The following PKN2 variants were observed in gnomAD, a reference collection of about 807,000 sequenced individuals.
PKN2 encodes serine/threonine-protein kinase N2.
PKN2 carries 38 observed loss-of-function variants against 119.1 expected under a neutral mutation model. The observed-to-expected ratio is 0.32, with a 90% CI of 0.25 to 0.42. PKN2 has a LOEUF of 0.42. Ranked by LOEUF, PKN2 falls within the 10% of genes least tolerant of loss-of-function variation. The pLI is 1.00. For missense variants in PKN2, 850 were observed against 1,165.1 expected, an observed-to-expected ratio of 0.73 and a Z score of 3.94; for synonymous variants, 390 against 384.9, an observed-to-expected ratio of 1.01 and a Z score of -0.15.
intron 1 of PKN2, among the ~76,000 whole-genome samples, chr1:88,720,209 C>T (rs1384796794): frequency 2.6e-5 from 4 of 151,960 alleles, no homozygotes; most frequent in African/African-American, 7.3e-5. Flanking sequence ...TTTGTAGAGA[C>T]GAGGTTTCAC....
At chr1:88,790,661 TTTCA>T (rs575455599) in intron 8 of PKN2, among the ~76,000 whole-genome samples, 130 of 152,312 alleles carry the variant, frequency 8.5e-4, no homozygotes, top group Middle Eastern at 6.8e-3. Context: ...CTTGGGTATC[TTTCA>T]TTCTTTTTGG....
In PKN2 at chr1:88,800,480, T is replaced by C. The variant is rs566055604; in HGVS notation, c.1282-3911T>C. Among the ~76,000 whole-genome samples, 3 of 152,314 alleles carry C rather than the reference T, an allele frequency of 2.0e-5. No individual in the cohort carries two copies. The South Asian group carries it at 6.2e-4, about 32-fold the overall frequency. On this transcript the variant is annotated intron_variant, in intron 8 of 21. Coordinates refer to ENST00000370521, the MANE Select transcript of PKN2 (RefSeq NM_006256.4). ...CTTCATAGGAAGTTGCTTTTTATTG[T>C]TGAAAACCCACCTTAGCAAAGATGG...
chr1:88,783,396 C>A (rs1409708318), intron 6 of PKN2, among the ~76,000 whole-genome samples: 1 of 152,178 alleles, frequency 6.6e-6, no homozygotes, highest in Non-Finnish European at 1.5e-5. Flanking sequence ...CTGGAGCAAT[C>A]TTAGGGCTTA....
chr1:88,744,444 C>G (rs1403470765), intron 2 of PKN2, among the ~76,000 whole-genome samples: 1 of 152,140 alleles, frequency 6.6e-6, no homozygotes, highest in Non-Finnish European at 1.5e-5. Flanking sequence ...GTTTTTGAGA[C>G]TGCGTCTCCC....
intron 1 of PKN2, among the ~76,000 whole-genome samples, chr1:88,686,875 ACT>A (rs1256505488): frequency 6.6e-6 from 1 of 152,126 alleles, no homozygotes; most frequent in Non-Finnish European, 1.5e-5. Context: ...AGACTGAAAT[ACT>A]GTTTAATATG....
At chr1:88,791,543 G>GT (rs1356720600) in intron 8 of PKN2, among the ~76,000 whole-genome samples, 2 of 152,076 alleles carry the variant, frequency 1.3e-5, no homozygotes, top group Non-Finnish European at 1.5e-5. Flanking sequence ...AAAATAAGCT[G>GT]TTTTTTGAGA....
At chr1:88,689,451 C>A (rs551687488) in intron 1 of PKN2, among the ~76,000 whole-genome samples, 4 of 152,234 alleles carry the variant, frequency 2.6e-5, no homozygotes, top group Non-Finnish European at 5.9e-5. Context: ...ATGAGTGGAT[C>A]TAATTAGCTT....
intron 8 of PKN2, among the ~76,000 whole-genome samples, chr1:88,796,555 C>T (rs1671076163): frequency 6.6e-6 from 1 of 152,038 alleles, no homozygotes; most frequent in South Asian, 2.1e-4. Flanking sequence ...ACTTCCTTAC[C>T]TTTGTATGTT....
intron 15 of PKN2, among the ~76,000 whole-genome samples, chr1:88,808,091 G>A (rs960211831): frequency 7.2e-5 from 11 of 152,070 alleles, no homozygotes; most frequent in African/African-American, 2.4e-4. Context: ...CTGTGGTTTT[G>A]TGGGGCTATA....
chr1:88,692,738 CT>C (rs1214675859), intron 1 of PKN2, among the ~76,000 whole-genome samples: 1 of 152,062 alleles, frequency 6.6e-6, no homozygotes, highest in Admixed American at 6.6e-5. Flanking sequence ...CTTTATATTG[CT>C]TATGTTAATC....
chr1:88,758,840 A>G (rs1200613064), intron 2 of PKN2, among the ~76,000 whole-genome samples: 3 of 152,152 alleles, frequency 2.0e-5, no homozygotes, highest in East Asian at 1.9e-4. Flanking sequence ...TAGTACTACA[A>G]TGAATATACA....
intron 2 of PKN2, among the ~76,000 whole-genome samples, chr1:88,758,086 T>TTATCCGGAA (rs1669283953): frequency 6.6e-6 from 1 of 150,484 alleles, no homozygotes; most frequent in Non-Finnish European, 1.5e-5. Context: ...TAATAATGGA[T>TTATCCGGAA]TATCCGGAAT....
At chr1:88,731,109 A>G (rs1668129292) in intron 1 of PKN2, among the ~76,000 whole-genome samples, 1 of 152,244 alleles carries the variant, frequency 6.6e-6, no homozygotes, top group Admixed American at 6.5e-5. Flanking sequence ...TTTTATCTTT[A>G]TATTTCATTA....
At chr1:88,708,531 A>G (rs1031708853) in intron 1 of PKN2, among the ~76,000 whole-genome samples, 15 of 151,824 alleles carry the variant, frequency 9.9e-5, no homozygotes, top group African/African-American at 3.4e-4. Context: ...TAGTTTTATT[A>G]TATTCAACAT....
At chr1:88,710,473 C>G (rs1297535872) in intron 1 of PKN2, among the ~76,000 whole-genome samples, 1 of 152,102 alleles carries the variant, frequency 6.6e-6, no homozygotes, top group Non-Finnish European at 1.5e-5. Flanking sequence ...CTGAACTTAA[C>G]CACTATTTTA....
intron 1 of PKN2, among the ~76,000 whole-genome samples, chr1:88,739,230 T>G (rs183185949): frequency 6.6e-6 from 1 of 152,050 alleles, no homozygotes; most frequent in Non-Finnish European, 1.5e-5. Context: ...CCCAGCACTT[T>G]GGGACGTCAA....
intron 1 of PKN2, among the ~76,000 whole-genome samples, chr1:88,714,614 A>T (rs983579352): frequency 4.6e-5 from 7 of 152,114 alleles, no homozygotes; most frequent in Admixed American, 3.3e-4. Context: ...TGATTTTTGC[A>T]CATTGATTTT....
chr1:88,790,331 T>C (rs979261785), intron 8 of PKN2, among the ~76,000 whole-genome samples: 1 of 152,244 alleles, frequency 6.6e-6, no homozygotes, highest in African/African-American at 2.4e-5. Context: ...GATATATGTC[T>C]GAAAATATGT....
At chr1:88,764,440 C>T (rs1669575679) in intron 3 of PKN2, among the ~76,000 whole-genome samples, 2 of 152,168 alleles carry the variant, frequency 1.3e-5, no homozygotes, top group African/African-American at 4.8e-5. Context: ...AATTTATCAT[C>T]AGTTTTCAGC....
Sources: allele counts gnomAD v4.1 joint callset (sites outside exome capture counted in the v4.1 genomes callset), GRCh38; gene constraint gnomAD v4.1.1; transcripts MANE v1.5; gene names NCBI Gene and HGNC (gene_info 2026-07-23, HGNC 2026-07-21).